The following PIGK variants were observed in gnomAD, a reference collection of about 807,000 sequenced individuals.
PIGK encodes the protein phosphatidylinositol glycan anchor biosynthesis class K.
Under a neutral mutation model 50.6 loss-of-function variants are expected in PIGK, and 42 were observed. The observed-to-expected ratio is 0.83, with a 90% CI of 0.65 to 1.07. PIGK has a LOEUF of 1.07. Ranked by LOEUF, PIGK falls within the 50% of genes least tolerant of loss-of-function variation. PIGK has a pLI of 0.00. For synonymous variants in PIGK, 151 were observed against 156.0 expected (o/e 0.97, Z 0.24); for missense variants, 448 against 488.7 (o/e 0.92, Z 0.78).
chr1:77,189,983 G>C (rs1655860424), intron 3 of PIGK, among the ~76,000 whole-genome samples: 1 of 151,692 alleles, frequency 6.6e-6, no homozygotes, highest in African/African-American at 2.4e-5. Context: ...CATGCCCCAG[G>C]TCACACAGCT....
At position 77,189,748 on chromosome 1, in the gene PIGK, TACACACACACAC is replaced by T. The variant is rs200985315; in HGVS notation, c.239+16880_239+16891del. On this transcript the variant is annotated intron_variant, in intron 3 of 10. Transcript: ENST00000370812. ...ATATATATATATATATATATATATATACACACACACACACACACACACACACACAGATATACA... is the reference window on the plus strand; with the variant it reads ...ATATATATATATATATATATATATATACACACACACACACACAGATATACA... Among the ~76,000 whole-genome samples the T allele has an allele frequency of 3.8e-3, 207 of 53,926 alleles. 5 individuals carry two copies. Among genetic ancestry groups the T allele is most frequent in the African/African-American group, 0.013 (159 of 11,846 alleles). 35.4% of individuals were successfully genotyped at this position (53,926 alleles called of 152,430 possible). A position where few individuals can be genotyped will look rare whatever the true frequency, so the allele number is the denominator to read the frequency against.
intron 3 of PIGK, among the ~76,000 whole-genome samples, chr1:77,183,451 C>A (rs2100570637): frequency 6.6e-6 from 1 of 152,282 alleles, no homozygotes; most frequent in African/African-American, 2.4e-5. Context: ...CAGGAGCCAC[C>A]TCCAACACCC....
chr1:77,103,932 T>C (rs1653609228), intron 10 of PIGK, among the ~76,000 whole-genome samples: 1 of 151,620 alleles, frequency 6.6e-6, no homozygotes, highest in South Asian at 2.1e-4. Context: ...ATTGTTCATG[T>C]ACACACTTAG....
chr1:77,148,704 T>C (rs1480341986), intron 9 of PIGK, among the ~76,000 whole-genome samples: 15 of 150,768 alleles, frequency 9.9e-5, no homozygotes, highest in Admixed American at 4.6e-4. Flanking sequence ...TACGTTAGCA[T>C]CAGTTTTTGT....
chr1:77,150,489 C>CA (rs541372066), intron 9 of PIGK, among the ~76,000 whole-genome samples: 7,378 of 85,906 alleles, frequency 0.086, 234 homozygotes, highest in African/African-American at 0.14. Context: ...GACTCAATCT[C>CA]AAAAAAAAAA....
chr1:77,122,454 T>C, intron 9 of PIGK, 95 bp from the exon 10 acceptor site: 1 of 701,668 alleles, frequency 1.4e-6, no homozygotes, highest in Non-Finnish European at 2.4e-6. Context: ...TATAGTAAAA[T>C]GCATAGATTT....
chr1:77,169,172 A>G lies in PIGK; in HGVS notation c.375+88T>C, dbSNP rs573119957. ...TCAGTGACAATTAAATTTAAAGAAA[A>G]ATAATAAGACAATTTTATTCTGCCA... On this transcript the variant is annotated intron_variant, in intron 4 of 10. Transcript: ENST00000370812. 1.2e-5 allele frequency: 10 copies of G among 853,336 alleles called. No homozygotes were observed. The East Asian group carries it at 3.0e-4, about 26-fold the overall frequency. The allele number at this position is 853,336 out of a possible 1,614,324, so 52.9% of individuals were successfully genotyped here.
intron 7 of PIGK, 23 bp downstream of exon 7, chr1:77,161,571 A>T: frequency 9.1e-7 from 1 of 1,098,398 alleles, no homozygotes; most frequent in Non-Finnish European, 1.4e-6. Flanking sequence ...GACACAGTTT[A>T]CAAATGGGGA....
intron 2 of PIGK, among the ~76,000 whole-genome samples, chr1:77,209,557 C>T (rs1656368039): frequency 6.6e-6 from 1 of 152,114 alleles, no homozygotes; most frequent in Non-Finnish European, 1.5e-5. Context: ...CAATCATGCT[C>T]CATGACTTCA....
At chr1:77,129,908 T>C (rs914966430) in intron 9 of PIGK, among the ~76,000 whole-genome samples, 2 of 152,022 alleles carry the variant, frequency 1.3e-5, no homozygotes, top group East Asian at 1.9e-4. Context: ...CAGAAATGCA[T>C]TAAGTTCCTA....
intron 10 of PIGK, among the ~76,000 whole-genome samples, chr1:77,098,100 T>C (rs1653462399): frequency 6.6e-6 from 1 of 152,114 alleles, no homozygotes; most frequent in Non-Finnish European, 1.5e-5. Flanking sequence ...CTATCACAGA[T>C]CAGTGGGAAA....
intron 9 of PIGK, among the ~76,000 whole-genome samples, chr1:77,131,814 A>G (rs2100535897): frequency 6.6e-6 from 1 of 152,226 alleles, no homozygotes; most frequent in East Asian, 1.9e-4. Flanking sequence ...AGATTTGTAC[A>G]TCTGTGATCA....
chr1:77,201,435 C>T (rs1656162748), intron 3 of PIGK, among the ~76,000 whole-genome samples: 1 of 152,138 alleles, frequency 6.6e-6, no homozygotes, highest in South Asian at 2.1e-4. Context: ...AGCCATAGAT[C>T]CCTCAAGAAT....
chr1:77,164,570 C>A (rs551608731), intron 5 of PIGK, among the ~76,000 whole-genome samples: 1 of 152,194 alleles, frequency 6.6e-6, no homozygotes, highest in East Asian at 1.9e-4. Flanking sequence ...AGTCTCCTCA[C>A]CTTCCTCTTG....
intron 3 of PIGK, among the ~76,000 whole-genome samples, chr1:77,177,678 T>G (rs1197154864): frequency 6.6e-6 from 1 of 152,176 alleles, no homozygotes; most frequent in African/African-American, 2.4e-5. Context: ...TCTGTGTGTG[T>G]GCCTTTAATT....
intron 10 of PIGK, among the ~76,000 whole-genome samples, chr1:77,094,861 C>T (rs1052620285): frequency 6.6e-6 from 1 of 152,022 alleles, no homozygotes; most frequent in Non-Finnish European, 1.5e-5. Context: ...ACATCTAGAC[C>T]GCTGATGGCC....
intron 9 of PIGK, among the ~76,000 whole-genome samples, chr1:77,142,159 T>C (rs990118896): frequency 6.6e-6 from 1 of 152,224 alleles, no homozygotes; most frequent in Admixed American, 6.5e-5. Context: ...TTAAGTCAGC[T>C]ACACTGGTAA....
intron 2 of PIGK, among the ~76,000 whole-genome samples, chr1:77,208,098 T>A (rs1170164655): frequency 6.6e-6 from 1 of 151,924 alleles, no homozygotes; most frequent in Non-Finnish European, 1.5e-5. Flanking sequence ...TGGTAGTTTG[T>A]GGTTGTAGTT....
At chr1:77,182,295 G>A (rs1033462531) in intron 3 of PIGK, among the ~76,000 whole-genome samples, 1 of 152,162 alleles carries the variant, frequency 6.6e-6, no homozygotes. Context: ...CATCCAGCAG[G>A]GGAGAAAGAT....
Sources: gnomAD v4.1 joint callset for allele counts (sites outside exome capture counted in the v4.1 genomes callset) on GRCh38, gnomAD v4.1.1 for gene constraint, MANE v1.5 for transcripts, NCBI Gene and HGNC (gene_info 2026-07-23, HGNC 2026-07-21) for gene names.